The following EPHA6 variants were observed in gnomAD, a reference collection of about 807,000 sequenced individuals.
EPHA6 encodes the protein ephrin type-A receptor 6.
Under a neutral mutation model 112.0 loss-of-function variants are expected in EPHA6, and 50 were observed. The observed-to-expected ratio is 0.45, with a 90% CI of 0.36 to 0.56. EPHA6 has a LOEUF of 0.56. Ranked by LOEUF, EPHA6 falls within the 20% of genes least tolerant of loss-of-function variation. The pLI is 0.00. For synonymous variants in EPHA6, 529 were observed against 490.7 expected (o/e 1.08, Z -1.03); for missense variants, 1,280 against 1,417.4 (o/e 0.90, Z 1.56).
intron 2 of EPHA6, among the ~76,000 whole-genome samples, chr3:96,942,685 A>G (rs2107692470): frequency 6.6e-6 from 1 of 152,262 alleles, no homozygotes; most frequent in Middle Eastern, 3.4e-3. Context: ...GAAATGCAGA[A>G]ATCACCGGTC....
chr3:96,836,423 A>G lies in EPHA6; in HGVS notation c.385+21415A>G, dbSNP rs548984589. On this transcript the variant is annotated intron_variant, in intron 1 of 17. Transcript: ENST00000389672. Reference sequence around the variant, plus strand: ...GTTTCCTCCTTGGTAAAGTGCTGATAATCCTTGAAGGTTCTATTTTACAAG... The same window carrying G: ...GTTTCCTCCTTGGTAAAGTGCTGATGATCCTTGAAGGTTCTATTTTACAAG... Among the ~76,000 whole-genome samples the G allele has an allele frequency of 2.0e-5, 3 of 152,248 alleles. No homozygotes were observed. In the South Asian group the frequency reaches 6.2e-4, roughly 32 times the overall value.
intron 2 of EPHA6, among the ~76,000 whole-genome samples, chr3:96,870,189 G>A (rs1043746408): frequency 6.6e-6 from 1 of 151,890 alleles, no homozygotes; most frequent in African/African-American, 2.4e-5. Flanking sequence ...TTGGGAATTG[G>A]CTCACATGAT....
intron 5 of EPHA6, among the ~76,000 whole-genome samples, chr3:97,388,331 T>C (rs1389000207): frequency 6.6e-6 from 1 of 152,084 alleles, no homozygotes; most frequent in Non-Finnish European, 1.5e-5. Context: ...TCTTCTTAGT[T>C]CAGTGATTTA....
chr3:97,760,984 T>C lies in EPHA6; in HGVS notation c.*12283T>C, dbSNP rs2036150536. On this transcript the variant is annotated 3_prime_UTR_variant, in exon 18 of 18. Coordinates refer to ENST00000389672, the MANE Select transcript of EPHA6 (RefSeq NM_001080448.3). Reference sequence around the variant, plus strand: ...CTGTTTTATGTTTTTCTCTTTAGTATTCTGTCACCATTTAAAGCTTCAATA... The same window carrying C: ...CTGTTTTATGTTTTTCTCTTTAGTACTCTGTCACCATTTAAAGCTTCAATA... 4.9e-6 allele frequency: 1 copy of C among 205,114 alleles called. No homozygotes were observed. The allele number at this position is 205,114 out of a possible 1,614,324, so 12.7% of individuals were successfully genotyped here.
intron 5 of EPHA6, among the ~76,000 whole-genome samples, chr3:97,250,421 G>A (rs2079102334): frequency 1.3e-5 from 2 of 152,150 alleles, no homozygotes; most frequent in Admixed American, 1.3e-4. Context: ...ACATTTTGCA[G>A]GAAAGGTGAC....
chr3:97,670,316 G>A lies in EPHA6; in HGVS notation c.2784+32234G>A, dbSNP rs117838453. 1.1e-3 allele frequency among the ~76,000 whole-genome samples: 164 copies of A among 152,240 alleles called. 1 individual carries two copies. Among genetic ancestry groups the A allele is most frequent in the East Asian group, 2.9e-3 (15 of 5,180 alleles). Reference sequence around the variant, plus strand: ...TTGAAAATAGCATTGACTGGTATCCGTAGTCAAAATTGGGAAGAAATTTGA... The same window carrying A: ...TTGAAAATAGCATTGACTGGTATCCATAGTCAAAATTGGGAAGAAATTTGA... On this transcript the variant is annotated intron_variant, in intron 14 of 17. Transcript: ENST00000389672.
intron 2 of EPHA6, among the ~76,000 whole-genome samples, chr3:96,882,013 G>A (rs1247137602): frequency 1.3e-5 from 2 of 152,116 alleles, no homozygotes; most frequent in African/African-American, 4.8e-5. Context: ...CTCCCTCTTG[G>A]CTGCTTTCAT....
rs1379649270 is a variant in EPHA6, at chr3:96,841,065, C to T, written c.386-25760C>T. Among the ~76,000 whole-genome samples, 4 of 151,842 alleles carry T rather than the reference C, an allele frequency of 2.6e-5. No homozygotes were observed. The East Asian group carries it at 7.8e-4, about 30-fold the overall frequency. Reference sequence around the variant, plus strand: ...ATGTGTGCCCAAGGTGGTAGGCGAACGTTTGGTTTTATACATTCCAAGGAG... The same window carrying T: ...ATGTGTGCCCAAGGTGGTAGGCGAATGTTTGGTTTTATACATTCCAAGGAG... On this transcript the variant is annotated intron_variant, in intron 1 of 17. Coordinates refer to ENST00000389672, the MANE Select transcript of EPHA6 (RefSeq NM_001080448.3).
chr3:97,551,457 C>T (rs1005181424), intron 11 of EPHA6, among the ~76,000 whole-genome samples: 2 of 152,108 alleles, frequency 1.3e-5, no homozygotes, highest in Non-Finnish European at 2.9e-5. Context: ...ACAAAGACAT[C>T]AGTGATTTTT....
chr3:97,241,696 T>C (rs2078850470), intron 4 of EPHA6, among the ~76,000 whole-genome samples: 1 of 151,162 alleles, frequency 6.6e-6, no homozygotes, highest in Non-Finnish European at 1.5e-5. Context: ...TAAAAAGCTA[T>C]TTAATCATCA....
chr3:97,153,898 G>T (rs1390532485), intron 3 of EPHA6, among the ~76,000 whole-genome samples: 1 of 152,070 alleles, frequency 6.6e-6, no homozygotes, highest in Admixed American at 6.6e-5. Flanking sequence ...GAGTGCAGTG[G>T]GTCGCTCCTA....
At chr3:97,348,191 T>A (rs1419316410) in intron 5 of EPHA6, among the ~76,000 whole-genome samples, 2 of 152,054 alleles carry the variant, frequency 1.3e-5, no homozygotes, top group Admixed American at 6.6e-5. Context: ...ATAGGCTAAG[T>A]ATTATGTTTC....
intron 3 of EPHA6, among the ~76,000 whole-genome samples, chr3:97,170,999 C>A (rs1163941678): frequency 6.6e-6 from 1 of 151,928 alleles, no homozygotes; most frequent in African/African-American, 2.4e-5. Flanking sequence ...ACCATAAATT[C>A]AAAAAATGTA....
At chr3:97,018,265 G>A (rs962486029) in intron 3 of EPHA6, among the ~76,000 whole-genome samples, 1 of 151,876 alleles carries the variant, frequency 6.6e-6, no homozygotes, top group African/African-American at 2.4e-5. Context: ...GTAGGGACCA[G>A]CCCCACAGGG....
At chr3:97,513,580 G>A (rs1041865894) in intron 10 of EPHA6, among the ~76,000 whole-genome samples, 3 of 151,126 alleles carry the variant, frequency 2.0e-5, no homozygotes, top group Admixed American at 1.3e-4. Flanking sequence ...AGCACAGAAG[G>A]ACACATACCA....
At chr3:97,095,311 G>A (rs543796348) in intron 3 of EPHA6, among the ~76,000 whole-genome samples, 109 of 152,012 alleles carry the variant, frequency 7.2e-4, no homozygotes, top group Non-Finnish European at 2.5e-4. Flanking sequence ...ATGGGGTAGG[G>A]GGAAAAGGGA....
intron 10 of EPHA6, among the ~76,000 whole-genome samples, chr3:97,513,720 A>G (rs962948744): frequency 6.6e-6 from 1 of 152,114 alleles, no homozygotes; most frequent in Non-Finnish European, 1.5e-5. Context: ...CAATGGGTAC[A>G]ATGTTACAGT....
chr3:97,590,259 A>G (rs1474938020), intron 11 of EPHA6: 3 of 152,196 alleles, frequency 2.0e-5, no homozygotes. Context: ...GCCACAATAG[A>G]TGAAAGACCT....
At chr3:97,143,550 T>C (rs949364046) in intron 3 of EPHA6, among the ~76,000 whole-genome samples, 20 of 151,806 alleles carry the variant, frequency 1.3e-4, no homozygotes, top group African/African-American at 4.3e-4. Context: ...CAGAATCTAA[T>C]ATATCATCTG....
Sources: gnomAD v4.1 joint callset for allele counts (sites outside exome capture counted in the v4.1 genomes callset) on GRCh38, gnomAD v4.1.1 for gene constraint, MANE v1.5 for transcripts, NCBI Gene and HGNC (gene_info 2026-07-23, HGNC 2026-07-21) for gene names.